Variants in SGCE observed in about 807,000 individuals in gnomAD.
The protein encoded by SGCE is epsilon-sarcoglycan.
SGCE carries 26 observed loss-of-function variants against 57.8 expected under a neutral mutation model. That is an observed-to-expected ratio of 0.45 (90% CI 0.33 to 0.62). SGCE has a LOEUF of 0.62. Among genes scored for constraint, SGCE ranks in the 20% least tolerant of loss-of-function variants. The pLI is 0.02. For missense variants in SGCE, 468 were observed against 548.6 expected (o/e 0.85, Z 1.47); for synonymous variants, 183 against 189.5 (o/e 0.97, Z 0.28).
chr7:94,588,965 A>C, intron 9 of SGCE: 1 of 536,582 alleles, frequency 1.9e-6, no homozygotes, highest in South Asian at 2.1e-5. Flanking sequence ...GCTATACTCT[A>C]AAGTACCTCA....
intron 1 of SGCE, chr7:94,639,299 T>C: frequency 8.4e-7 from 1 of 1,193,984 alleles, no homozygotes. Context: ...AGACATTTAA[T>C]TGGCTCCCCC....
At chr7:94,640,641 GT>G (rs1216754793) in intron 1 of SGCE, among the ~76,000 whole-genome samples, 1 of 151,520 alleles carries the variant, frequency 6.6e-6, no homozygotes, top group African/African-American at 2.4e-5. Flanking sequence ...TGTTTGTTTT[GT>G]TTGTTTTTTG....
At chr7:94,628,496 T>C in intron 2 of SGCE, 137 bp from the exon 3 acceptor site, 1 of 642,420 alleles carries the variant, frequency 1.6e-6, no homozygotes, top group East Asian at 2.8e-5. Flanking sequence ...ACAAAACCCA[T>C]CTGGGAATTT....
At chr7:94,655,180 AAGGGAAGCAAGGTC>A (rs1452128662) in intron 1 of SGCE, among the ~76,000 whole-genome samples, 2 of 152,238 alleles carry the variant, frequency 1.3e-5, no homozygotes, top group Non-Finnish European at 2.9e-5. Flanking sequence ...GTAACGTTGC[AAGGGAAGCAAGGTC>A]TCTGTGTAAA....
chr7:94,645,262 T>C (rs924565025), intron 1 of SGCE, among the ~76,000 whole-genome samples: 2 of 152,168 alleles, frequency 1.3e-5, no homozygotes, highest in African/African-American at 4.8e-5. Context: ...CAAAATGATA[T>C]ACACATTTTT....
chr7:94,594,347 C>T (rs1798096503), intron 9 of SGCE: 1 of 152,054 alleles, frequency 6.6e-6, no homozygotes, highest in African/African-American at 2.4e-5. Context: ...AATGGCAACA[C>T]TTATTCACTA....
At chr7:94,603,479 A>T (rs1409450015) in intron 5 of SGCE, 27 bp from the exon 6 acceptor site, 2 of 1,607,370 alleles carry the variant, frequency 1.2e-6, no homozygotes, top group Non-Finnish European at 1.7e-6. Flanking sequence ...CTCTCAGGTT[A>T]TCCTTTAAGA....
intron 1 of SGCE, among the ~76,000 whole-genome samples, chr7:94,636,782 T>G (rs1805647941): frequency 6.6e-6 from 1 of 152,190 alleles, no homozygotes; most frequent in Non-Finnish European, 1.5e-5. Context: ...GAATATTCTT[T>G]GCTGGGCCTG....
chr7:94,614,569 CT>C (rs1000373854), intron 5 of SGCE, among the ~76,000 whole-genome samples: 8 of 152,268 alleles, frequency 5.3e-5, no homozygotes, highest in Admixed American at 2.0e-4. Context: ...CGCCCAAGCC[CT>C]TTCCCCTGCA....
intron 9 of SGCE, 93 bp downstream of exon 9, chr7:94,598,682 A>G (rs540113828): frequency 2.2e-5 from 21 of 936,630 alleles, no homozygotes; most frequent in Admixed American, 5.1e-5. Context: ...AGTTATAAAC[A>G]AACAAACACA....
Position 94,627,902 on chromosome 7 carries a change from T to C in SGCE, c.390+300A>G, listed in dbSNP as rs1584689864. 3 of 324,870 alleles carry C rather than the reference T, an allele frequency of 9.2e-6. No individual in the cohort carries two copies. In the East Asian group the frequency reaches 1.9e-4, roughly 20 times the overall value. 20.1% of individuals were successfully genotyped at this position (324,870 alleles called of 1,614,324 possible). On this transcript the variant is annotated intron_variant, in intron 3 of 10. Transcript: ENST00000648936. ...ATTCAAAATACAGAGCAAATAAGTC[T>C]ATCAAGTCTACAATTATTTTCTCAA...
At chr7:94,644,727 C>A (rs1218240077) in intron 1 of SGCE, 1 of 744,926 alleles carries the variant, frequency 1.3e-6, no homozygotes, top group Non-Finnish European at 2.0e-6. Context: ...ACGTGTCCGG[C>A]ATCCCTTCCC....
At position 94,598,887 on chromosome 7, in the gene SGCE, C is replaced by G. The variant is rs1341048280; in HGVS notation, c.1141G>C (p.Ala381Pro). The G allele has an allele frequency of 5.6e-6, 9 of 1,613,428 alleles. No homozygotes were observed. Among genetic ancestry groups the G allele is most frequent in the Non-Finnish European group, 5.9e-6 (7 of 1,179,558 alleles). Reference sequence around the variant, plus strand: ...ACAGGAAGCGTTGACAGGGGCCATGCTATCTCTCTATTCTTGGACATGTCT... The same window carrying G: ...ACAGGAAGCGTTGACAGGGGCCATGGTATCTCTCTATTCTTGGACATGTCT... ...LRDMSKNREI[A>P]WPLSTLPVFH... The change falls in exon 9 of 11, where the codon GCA (alanine) becomes CCA (proline). Residue 381 changes from alanine to proline, a missense_variant. Coordinates refer to ENST00000648936, the MANE Select transcript of SGCE (RefSeq NM_003919.3).
At chr7:94,595,282 T>G (rs925706822) in intron 9 of SGCE, among the ~76,000 whole-genome samples, 6 of 152,184 alleles carry the variant, frequency 3.9e-5, no homozygotes, top group East Asian at 1.9e-4. Context: ...TTGATGTAAA[T>G]TGACTTGTTT....
At chr7:94,587,713 T>C in intron 10 of SGCE, 3 of 1,534,984 alleles carry the variant, frequency 2.0e-6, no homozygotes, top group East Asian at 2.5e-5. Flanking sequence ...TAATCAAAAT[T>C]GTAGGGAAAA....
chr7:94,644,382 A>G (rs1324434620), intron 1 of SGCE, among the ~76,000 whole-genome samples: 5 of 152,182 alleles, frequency 3.3e-5, no homozygotes, highest in Non-Finnish European at 7.4e-5. Flanking sequence ...GCACTCTCTG[A>G]AGAGATATTA....
chr7:94,635,180 G>A (rs191658545), intron 1 of SGCE, among the ~76,000 whole-genome samples: 155 of 152,192 alleles, frequency 1.0e-3, no homozygotes, highest in East Asian at 0.01. Context: ...GGGAAGCATC[G>A]CAAAGGTGTT....
chr7:94,593,583 A>AT, intron 9 of SGCE, among the ~76,000 whole-genome samples: 1 of 151,918 alleles, frequency 6.6e-6, no homozygotes, highest in East Asian at 1.9e-4. Context: ...ACAAAATAAC[A>AT]TTTTTTCAAT....
In SGCE at chr7:94,643,937, G is replaced by A. The variant is rs562754456; in HGVS notation, c.109+12053C>T. Among the ~76,000 whole-genome samples the A allele has an allele frequency of 3.9e-4, 59 of 152,252 alleles. No individual in the cohort carries two copies. The South Asian group carries it at 7.0e-3, about 18-fold the overall frequency. The stretch of plus-strand genomic sequence containing the variant: ...AACTTTTCAAGATTAAATCTAATGT[G>A]TAAAGATATGTCAACCTTGTAGAGA... On this transcript the variant is annotated intron_variant, in intron 1 of 10. Coordinates refer to ENST00000648936, the MANE Select transcript of SGCE (RefSeq NM_003919.3).
Sources: allele counts gnomAD v4.1 joint callset (sites outside exome capture counted in the v4.1 genomes callset), GRCh38; gene constraint gnomAD v4.1.1; transcripts MANE v1.5; gene names NCBI Gene and HGNC (gene_info 2026-07-23, HGNC 2026-07-21).